SNAPC3: variants seen among roughly 807,000 people sequenced by gnomAD.
The protein encoded by SNAPC3 is small nuclear RNA activating complex polypeptide 3.
A neutral mutation model predicts 47.7 loss-of-function variants in SNAPC3; 56 were observed. The observed-to-expected ratio is 1.18, with a 90% CI of 0.95 to 1.47. The LOEUF (loss-of-function observed/expected upper bound fraction) is 1.47. Ranked by LOEUF, SNAPC3 falls within the 40% of genes most tolerant of loss-of-function variation. The probability of loss-of-function intolerance (pLI) is 0.00; values close to 1 mark genes in which losing one functional copy is unlikely to be tolerated. For synonymous variants in SNAPC3, 235 were observed against 189.9 expected (o/e 1.24, Z -1.95); for missense variants, 665 against 511.3 (o/e 1.30, Z -2.90).
In SNAPC3 at chr9:15,460,799, A is replaced by G. The variant is rs1412021822; in HGVS notation, c.*933A>G. The G allele has an allele frequency of 6.6e-6, 1 of 152,256 alleles. No individual in the cohort carries two copies. Among genetic ancestry groups the G allele is most frequent in the East Asian group, 1.9e-4 (1 of 5,202 alleles). The allele number at this position is 152,256 out of a possible 1,614,324, so 9.4% of individuals were successfully genotyped here. ...ATAAGACTATGTGAATAATGAATTTAAAAAGATCTTGAGTATATACTCATA... is the reference window on the plus strand; with the variant it reads ...ATAAGACTATGTGAATAATGAATTTGAAAAGATCTTGAGTATATACTCATA... On this transcript the variant is annotated 3_prime_UTR_variant, in exon 9 of 9. Transcript: ENST00000380821.
chr9:15,433,273 A>G lies in SNAPC3; in HGVS notation c.393-279A>G, dbSNP rs1418172512. Among the ~76,000 whole-genome samples, 6 of 137,364 alleles carry G rather than the reference A, an allele frequency of 4.4e-5. No homozygotes were observed. In the East Asian group the frequency reaches 9.8e-4, roughly 22 times the overall value. 90.1% of individuals were successfully genotyped at this position (137,364 alleles called of 152,430 possible). A position where few individuals can be genotyped will look rare whatever the true frequency, so the allele number is the denominator to read the frequency against. The stretch of plus-strand genomic sequence containing the variant: ...ATCCTGGATAGGAATCTGGAACAGA[A>G]AAAAAAAAAAACGAGTAAATTAAAA... On this transcript the variant is annotated intron_variant, in intron 2 of 8. Transcript: ENST00000380821.
Position 15,453,019 on chromosome 9 carries a change from T to TCC in SNAPC3, c.816-21_816-20dup, listed in dbSNP as rs768721525. ...TAAGTTTTTGTGGAAAAATGATATA[T>TCC]CCTTGCCTTTTCCCCCCTCAGAACT... On this transcript the variant is annotated intron_variant, in intron 6 of 8. Transcript: ENST00000380821. 69 of 1,593,510 alleles carry TCC rather than the reference T, an allele frequency of 4.3e-5. 2 individuals carry two copies. The South Asian group carries it at 7.6e-4, about 17-fold the overall frequency.
chr9:15,439,211 G>A (rs541432721), intron 3 of SNAPC3, among the ~76,000 whole-genome samples: 6 of 152,140 alleles, frequency 3.9e-5, no homozygotes, highest in East Asian at 3.9e-4. Flanking sequence ...GCGTTTTGCC[G>A]TGTTGCCCAG....
At chr9:15,429,828 A>G (rs969070493) in intron 2 of SNAPC3, among the ~76,000 whole-genome samples, 3 of 152,212 alleles carry the variant, frequency 2.0e-5, no homozygotes, top group Admixed American at 1.3e-4. Context: ...TGTAAAACAA[A>G]AATCTTGGGA....
chr9:15,434,812 C>T (rs1373051465), intron 3 of SNAPC3, among the ~76,000 whole-genome samples: 2 of 152,258 alleles, frequency 1.3e-5, no homozygotes, highest in Admixed American at 1.3e-4. Flanking sequence ...TGTATGTATA[C>T]ACCACGTTTT....
chr9:15,442,954 C>A (rs1476838857), intron 3 of SNAPC3, among the ~76,000 whole-genome samples: 1 of 152,248 alleles, frequency 6.6e-6, no homozygotes, highest in Admixed American at 6.5e-5. Context: ...AGATCACTCG[C>A]AGTTAGGAGC....
At chr9:15,443,167 G>C (rs1251691623) in intron 3 of SNAPC3, among the ~76,000 whole-genome samples, 2 of 152,202 alleles carry the variant, frequency 1.3e-5, no homozygotes, top group African/African-American at 2.4e-5. Context: ...TGTGGAGAGA[G>C]AGGGAGAGGG....
intron 7 of SNAPC3, among the ~76,000 whole-genome samples, chr9:15,454,060 C>A (rs2034589756): frequency 6.6e-6 from 1 of 151,930 alleles, no homozygotes; most frequent in Non-Finnish European, 1.5e-5. Flanking sequence ...TATGGTGAAA[C>A]CCTCTCTACA....
chr9:15,423,740 A>T (rs371985790), intron 1 of SNAPC3, among the ~76,000 whole-genome samples, 169 bp from the exon 2 acceptor site: 1 of 152,240 alleles, frequency 6.6e-6, no homozygotes, highest in South Asian at 2.1e-4. Context: ...CCTTTTCATT[A>T]TAAAATATAA....
chr9:15,456,269 C>T (rs564588970), intron 7 of SNAPC3, among the ~76,000 whole-genome samples: 1 of 152,286 alleles, frequency 6.6e-6, no homozygotes, highest in Non-Finnish European at 1.5e-5. Flanking sequence ...GTCGGCCTCC[C>T]AAAGTGCTGG....
chr9:15,445,624 G>A (rs2033866703), intron 4 of SNAPC3, among the ~76,000 whole-genome samples: 1 of 71,606 alleles, frequency 1.4e-5, no homozygotes, highest in African/African-American at 3.1e-5. Flanking sequence ...CATCTGGGAT[G>A]TAGTTAATAC....
intron 3 of SNAPC3, among the ~76,000 whole-genome samples, chr9:15,435,673 G>A (rs1033517031): frequency 4.0e-5 from 6 of 150,626 alleles, no homozygotes; most frequent in Non-Finnish European, 7.4e-5. Context: ...AGGTTGCAGC[G>A]AGCCCAGATT....
At chr9:15,447,004 C>A in intron 4 of SNAPC3, 91 bp from the exon 5 acceptor site, 1 of 1,081,050 alleles carries the variant, frequency 9.3e-7, no homozygotes, top group Non-Finnish European at 1.4e-6. Flanking sequence ...ATTAAGAAAA[C>A]CAGCAATTTA....
At chr9:15,463,842 T>G (rs2132015673), downstream of SNAPC3, 1 of 152,614 alleles carries the variant, frequency 6.6e-6, no homozygotes, top group South Asian at 2.1e-4. Context: ...GTGGCTTCTT[T>G]GTAAAACTAT....
chr9:15,440,170 A>G (rs879666938), intron 3 of SNAPC3, among the ~76,000 whole-genome samples: 1 of 152,174 alleles, frequency 6.6e-6, no homozygotes, highest in Non-Finnish European at 1.5e-5. Flanking sequence ...TTATTTTGCA[A>G]TCATATAGGA....
At chr9:15,430,638 T>C (rs1470248917) in intron 2 of SNAPC3, among the ~76,000 whole-genome samples, 2 of 152,224 alleles carry the variant, frequency 1.3e-5, no homozygotes, top group South Asian at 2.1e-4. Flanking sequence ...CAATACTTAC[T>C]AGTGATGTTT....
At chr9:15,449,561 ATATTTTT>A (rs1347741014) in intron 5 of SNAPC3, among the ~76,000 whole-genome samples, 249 of 43,182 alleles carry the variant, frequency 5.8e-3, no homozygotes, top group Non-Finnish European at 7.4e-3. Context: ...ATATATATAT[ATATTTTT>A]TTTTTTTTTT....
chr9:15,448,390 T>A (rs2034109089), intron 5 of SNAPC3, among the ~76,000 whole-genome samples: 1 of 148,946 alleles, frequency 6.7e-6, no homozygotes, highest in Non-Finnish European at 1.5e-5. Flanking sequence ...TTTTCATGTC[T>A]CTGAGTATTT....
intron 6 of SNAPC3, 62 bp from the exon 7 acceptor site, chr9:15,452,979 G>C (rs2034503378): frequency 2.2e-6 from 3 of 1,380,472 alleles, no homozygotes; most frequent in Admixed American, 2.1e-5. Flanking sequence ...ATCACAAACT[G>C]TTTTCTGTAG....
Sources: allele counts gnomAD v4.1 joint callset (sites outside exome capture counted in the v4.1 genomes callset), GRCh38; gene constraint gnomAD v4.1.1; transcripts MANE v1.5; gene names NCBI Gene and HGNC (gene_info 2026-07-23, HGNC 2026-07-21).